Variants in NKAIN3 observed in about 807,000 individuals in gnomAD.
NKAIN3 encodes sodium/potassium transporting ATPase interacting 3.
A neutral mutation model predicts 30.2 loss-of-function variants in NKAIN3; 25 were observed. The ratio of observed to expected loss-of-function variants is 0.83; its 90% confidence interval spans 0.60 to 1.16. The LOEUF is 1.16. NKAIN3 is among the 50% of genes most tolerant of loss of function. NKAIN3 has a pLI of 0.00. For synonymous variants in NKAIN3, 91 were observed against 89.6 expected (o/e 1.02, Z -0.09); for missense variants, 225 against 254.1 (o/e 0.89, Z 0.78).
At chr8:62,857,163 G>A (rs1820087059) in intron 4 of NKAIN3, 1 of 335,380 alleles carries the variant, frequency 3.0e-6, no homozygotes, top group Non-Finnish European at 5.7e-6. Flanking sequence ...GTTGAATATA[G>A]GGCCCCAATC....
At chr8:62,619,615 A>G (rs1811563129) in intron 3 of NKAIN3, among the ~76,000 whole-genome samples, 1 of 151,764 alleles carries the variant, frequency 6.6e-6, no homozygotes, top group South Asian at 2.1e-4. Context: ...GACTTCAGGC[A>G]TATGTTCTCA....
At chr8:62,919,675 T>C (rs1398720070) in intron 5 of NKAIN3, among the ~76,000 whole-genome samples, 1 of 152,188 alleles carries the variant, frequency 6.6e-6, no homozygotes, top group African/African-American at 2.4e-5. Flanking sequence ...TGTAACAAAA[T>C]GAAGCAAAGT....
At chr8:62,499,679 G>A (rs1050321383) in intron 1 of NKAIN3, among the ~76,000 whole-genome samples, 2 of 152,026 alleles carry the variant, frequency 1.3e-5, no homozygotes, top group African/African-American at 4.8e-5. Context: ...GACAAGATTA[G>A]GACTTATATA....
intron 4 of NKAIN3, among the ~76,000 whole-genome samples, chr8:62,823,430 C>G (rs1174722452): frequency 6.6e-6 from 1 of 152,076 alleles, no homozygotes; most frequent in Non-Finnish European, 1.5e-5. Context: ...GAAAATCTCA[C>G]AGGATATAGT....
chr8:62,316,118 G>A lies in NKAIN3; in HGVS notation c.54+66991G>A, dbSNP rs1027373233. On this transcript the variant is annotated intron_variant, in intron 1 of 6. Coordinates refer to ENST00000623646, the MANE Select transcript of NKAIN3 (RefSeq NM_001304533.3). Reference sequence around the variant, plus strand: ...TGAAGAAAGACATATTTGCTTCCTCGTCCACAAGGATTGTAAGTTTTCTGA... The same window carrying A: ...TGAAGAAAGACATATTTGCTTCCTCATCCACAAGGATTGTAAGTTTTCTGA... Among the ~76,000 whole-genome samples the A allele has an allele frequency of 5.9e-5, 9 of 151,870 alleles. 1 individual carries two copies. The highest frequency in any genetic ancestry group is 1.0e-4 in the Non-Finnish European group (7 of 67,990).
At position 62,430,616 on chromosome 8, in the gene NKAIN3, TAAAG is replaced by T. The variant is rs202082258; in HGVS notation, c.55-148922_55-148919del. ...CATGCCTTCATTTTTCACACATTCT[TAAAG>T]GAAGTCAAAATAAGAACTTTGCATT... On this transcript the variant is annotated intron_variant, in intron 1 of 6. Coordinates refer to ENST00000623646, the MANE Select transcript of NKAIN3 (RefSeq NM_001304533.3). Among the ~76,000 whole-genome samples, 977 of 151,962 alleles carry T rather than the reference TAAAG, an allele frequency of 6.4e-3. 7 individuals are homozygous for T. Among genetic ancestry groups the T allele is most frequent in the African/African-American group, 0.022 (928 of 41,502 alleles).
At chr8:62,741,353 GAGAGAGAA>G (rs1489373526) in intron 3 of NKAIN3, among the ~76,000 whole-genome samples, 1 of 139,382 alleles carries the variant, frequency 7.2e-6, no homozygotes, top group Admixed American at 7.4e-5. Flanking sequence ...AGAGAAGAAA[GAGAGAGAA>G]AGAAGGAAGG....
At chr8:62,784,204 A>G (rs1324758262) in intron 4 of NKAIN3, among the ~76,000 whole-genome samples, 1 of 152,022 alleles carries the variant, frequency 6.6e-6, no homozygotes, top group Admixed American at 6.6e-5. Context: ...CAATTTGTCT[A>G]GATGTTCACT....
chr8:62,887,229 T>G (rs991625232), intron 4 of NKAIN3, among the ~76,000 whole-genome samples: 2 of 152,186 alleles, frequency 1.3e-5, no homozygotes, highest in African/African-American at 4.8e-5. Flanking sequence ...AAGTAAAGTG[T>G]TGTGTTTTTT....
intron 1 of NKAIN3, among the ~76,000 whole-genome samples, chr8:62,538,815 G>A (rs2129878333): frequency 6.6e-6 from 1 of 152,264 alleles, no homozygotes; most frequent in Non-Finnish European, 1.5e-5. Flanking sequence ...CCTAGTAGAT[G>A]ACTACTTTTT....
chr8:62,394,787 C>T (rs1311260114), intron 1 of NKAIN3, among the ~76,000 whole-genome samples: 29 of 146,292 alleles, frequency 2.0e-4, no homozygotes, highest in Non-Finnish European at 3.6e-4. Context: ...GATGGTGGGG[C>T]GGCCAAGCAG....
intron 1 of NKAIN3, among the ~76,000 whole-genome samples, chr8:62,338,920 A>G (rs993281966): frequency 1.3e-5 from 2 of 151,976 alleles, no homozygotes; most frequent in African/African-American, 2.4e-5. Flanking sequence ...TCTTTTGGCA[A>G]CACCCTCATA....
At chr8:62,365,406 A>G (rs757984680) in intron 1 of NKAIN3, among the ~76,000 whole-genome samples, 17 of 152,140 alleles carry the variant, frequency 1.1e-4, no homozygotes, top group Non-Finnish European at 1.2e-4. Context: ...TTAGTACATA[A>G]AATTTAAATA....
At chr8:62,390,623 G>T (rs1817561291) in intron 1 of NKAIN3, among the ~76,000 whole-genome samples, 1 of 152,174 alleles carries the variant, frequency 6.6e-6, no homozygotes, top group African/African-American at 2.4e-5. Context: ...TCACTACACT[G>T]TGTTCCACAA....
intron 1 of NKAIN3, among the ~76,000 whole-genome samples, chr8:62,331,337 C>G (rs1815350498): frequency 6.6e-6 from 1 of 151,986 alleles, no homozygotes; most frequent in Admixed American, 6.6e-5. Context: ...TTCTTGGATA[C>G]ATAAGCTGCC....
chr8:62,731,902 C>G (rs913467027), intron 3 of NKAIN3, among the ~76,000 whole-genome samples: 2 of 152,104 alleles, frequency 1.3e-5, no homozygotes, highest in East Asian at 1.9e-4. Context: ...TCTAGGAAAC[C>G]CTACATAAGA....
intron 3 of NKAIN3, among the ~76,000 whole-genome samples, chr8:62,731,678 GC>G (rs1468370360): frequency 1.3e-5 from 2 of 152,036 alleles, no homozygotes; most frequent in African/African-American, 4.8e-5. Context: ...CAAAAAGTTA[GC>G]CCCCGAAACC....
chr8:62,951,437 C>CT (rs1458862198), intron 5 of NKAIN3, among the ~76,000 whole-genome samples: 1 of 152,022 alleles, frequency 6.6e-6, no homozygotes, highest in African/African-American at 2.4e-5. Flanking sequence ...TAGCATAAGC[C>CT]TTTTAAATTT....
chr8:62,351,155 GATA>G (rs1404001339), intron 1 of NKAIN3, among the ~76,000 whole-genome samples: 5 of 148,540 alleles, frequency 3.4e-5, no homozygotes, highest in Admixed American at 3.3e-4. Flanking sequence ...TGTTAGAATA[GATA>G]ATATAGTCAT....
Sources: gnomAD v4.1 joint callset for allele counts (sites outside exome capture counted in the v4.1 genomes callset) on GRCh38, gnomAD v4.1.1 for gene constraint, MANE v1.5 for transcripts, NCBI Gene and HGNC (gene_info 2026-07-23, HGNC 2026-07-21) for gene names.